The following PTPRN2 variants were observed in gnomAD, a reference collection of about 807,000 sequenced individuals.
The protein encoded by PTPRN2 is receptor-type tyrosine-protein phosphatase N2.
In PTPRN2, 74 loss-of-function variants were observed where a neutral mutation model predicts 118.8. The ratio of observed to expected loss-of-function variants is 0.62; its 90% CI spans 0.52 to 0.76. The LOEUF is 0.76. Among genes scored for constraint, PTPRN2 ranks in the 30% least tolerant of loss-of-function variants. The probability of loss-of-function intolerance (pLI) is 0.00; values close to 1 mark genes in which losing one functional copy is unlikely to be tolerated. For synonymous variants in PTPRN2, 641 were observed against 608.0 expected (o/e 1.05, Z -0.80); for missense variants, 1,481 against 1,394.4 (o/e 1.06, Z -0.99).
Position 157,953,863 on chromosome 7 carries a change from C to T in PTPRN2, c.1724-55126G>A, listed in dbSNP as rs909678894. ...GAGAAATGTAAGCAAATCCGCATTT[C>T]GAAGCAGAAATCGCTGGTTTAAATA... On this transcript the variant is annotated intron_variant, in intron 11 of 22. Transcript: ENST00000389418. This position sits in a 1 kb window ranked among gnomAD's most constrained non-coding sequence, Gnocchi z 4.6. Among the ~76,000 whole-genome samples the T allele has an allele frequency of 5.3e-5, 8 of 152,058 alleles. No homozygotes were observed. Among genetic ancestry groups the T allele is most frequent in the African/African-American group, 9.7e-5 (4 of 41,392 alleles).
chr7:158,421,609 G>A (rs1251358898), intron 2 of PTPRN2, among the ~76,000 whole-genome samples: 1 of 152,178 alleles, frequency 6.6e-6, no homozygotes, highest in Non-Finnish European at 1.5e-5. Flanking sequence ...GGACAGCTGG[G>A]TAATGTACTC....
chr7:157,655,573 G>C (rs1045554072), intron 14 of PTPRN2, among the ~76,000 whole-genome samples: 11 of 152,178 alleles, frequency 7.2e-5, no homozygotes, highest in Admixed American at 3.9e-4. Context: ...TCCCTGACCC[G>C]TAAGTGCAGC....
intron 2 of PTPRN2, among the ~76,000 whole-genome samples, chr7:158,337,221 T>C (rs1158957812): frequency 3.2e-4 from 48 of 149,344 alleles, no homozygotes; most frequent in African/African-American, 1.0e-3. Context: ...CTTGCAGACG[T>C]CACTAACACC....
In PTPRN2 at chr7:157,615,943, A is replaced by C. The variant is rs891896806; in HGVS notation, c.2344+5419T>G. On this transcript the variant is annotated intron_variant, in intron 15 of 22. Transcript: ENST00000389418. The surrounding 1 kb of genome is among the most constrained non-coding windows in gnomAD (Gnocchi z 4.3). ...GATGTGCACCTGGCAGGATGAACGT[A>C]ACTTCTGGTGGATAAAGTGGGAGGC... is the stretch of plus-strand genomic sequence containing the variant. 6.1e-4 allele frequency: 158 copies of C among 260,974 alleles called. 1 individual carries two copies. The highest frequency in any genetic ancestry group is 3.4e-3 in the African/African-American group (153 of 44,702). 16.2% of individuals were successfully genotyped at this position (260,974 alleles called of 1,614,324 possible).
intron 13 of PTPRN2, among the ~76,000 whole-genome samples, chr7:157,679,459 T>C (rs1468181564): frequency 2.0e-5 from 3 of 152,144 alleles, no homozygotes; most frequent in Non-Finnish European, 4.4e-5. Context: ...GCTTTTCCAA[T>C]AGGTAAGGCA....
intron 10 of PTPRN2, among the ~76,000 whole-genome samples, chr7:158,097,654 C>A (rs147387258): frequency 1.1e-3 from 170 of 152,316 alleles, no homozygotes; most frequent in African/African-American, 3.7e-3. Flanking sequence ...CCGCGGAAGG[C>A]GGCCTGGCAT....
At chr7:158,014,641 C>T (rs1164583189) in intron 11 of PTPRN2, among the ~76,000 whole-genome samples, 1 of 151,862 alleles carries the variant, frequency 6.6e-6, no homozygotes, top group Non-Finnish European at 1.5e-5. Flanking sequence ...TATCCATATC[C>T]ATCATCCATC....
At position 157,781,749 on chromosome 7, in the gene PTPRN2, A is replaced by G. The variant is rs112052412; in HGVS notation, c.1789-98812T>C. Among the ~76,000 whole-genome samples the G allele has an allele frequency of 7.9e-3, 1,204 of 152,278 alleles. 14 individuals are homozygous for G. The highest frequency in any genetic ancestry group is 0.028 in the African/African-American group (1,143 of 41,546). ...CATCTTTATCAAGTCATCTGACTTC[A>G]CAGTACCCAAAACGTATATTACTTC... On this transcript the variant is annotated intron_variant, in intron 12 of 22. Coordinates refer to ENST00000389418, the MANE Select transcript of PTPRN2 (RefSeq NM_002847.5).
chr7:157,781,561 T>C (rs1803682301), intron 12 of PTPRN2, among the ~76,000 whole-genome samples: 2 of 152,196 alleles, frequency 1.3e-5, no homozygotes, highest in South Asian at 4.1e-4. Flanking sequence ...CCAGAGAGCC[T>C]GGTTTTATTG....
Position 157,729,221 on chromosome 7 carries a change from T to C in PTPRN2, c.1789-46284A>G, listed in dbSNP as rs1799759874. Among the ~76,000 whole-genome samples the C allele has an allele frequency of 1.3e-5, 2 of 152,164 alleles. No individual in the cohort carries two copies. The highest frequency in any genetic ancestry group is 2.9e-5 in the Non-Finnish European group (2 of 68,018). ...TCTGCATCTGCCCATCTTTGAATCT[T>C]CATGTATTTTTAAAAAAGAATGAAT... is the stretch of plus-strand genomic sequence containing the variant. On this transcript the variant is annotated intron_variant, in intron 12 of 22. Coordinates refer to ENST00000389418, the MANE Select transcript of PTPRN2 (RefSeq NM_002847.5). The surrounding 1 kb of genome is among the most constrained non-coding windows in gnomAD (Gnocchi z 4.3).
chr7:158,376,981 C>T (rs184295222), intron 2 of PTPRN2, among the ~76,000 whole-genome samples: 1 of 123,036 alleles, frequency 8.1e-6, no homozygotes, highest in East Asian at 2.7e-4. Context: ...CACGCGGGGT[C>T]AGGGGACTCT....
At chr7:158,206,546 C>T (rs1176519728) in intron 3 of PTPRN2, among the ~76,000 whole-genome samples, 1 of 152,060 alleles carries the variant, frequency 6.6e-6, no homozygotes, top group Admixed American at 6.6e-5. Flanking sequence ...ACCCGTCACC[C>T]AGCTCCAGGA....
chr7:158,157,716 A>G (rs1358092339), intron 6 of PTPRN2, among the ~76,000 whole-genome samples: 1 of 152,084 alleles, frequency 6.6e-6, no homozygotes, highest in African/African-American at 2.4e-5. Flanking sequence ...AGTGAGACGA[A>G]CCCTGTTCCC....
At chr7:158,021,568 A>G (rs1056363406) in intron 11 of PTPRN2, among the ~76,000 whole-genome samples, 2 of 152,210 alleles carry the variant, frequency 1.3e-5, no homozygotes, top group East Asian at 3.9e-4. Context: ...AGATGGGTGC[A>G]GAAGGACAGC....
At chr7:158,323,187 G>T (rs1803181087) in intron 2 of PTPRN2, among the ~76,000 whole-genome samples, 3 of 152,238 alleles carry the variant, frequency 2.0e-5, no homozygotes, top group Admixed American at 2.0e-4. Flanking sequence ...CCCCCGACAA[G>T]AATTCTGCCT....
intron 2 of PTPRN2, among the ~76,000 whole-genome samples, chr7:158,404,181 A>G (rs1813172870): frequency 6.6e-6 from 1 of 152,238 alleles, no homozygotes; most frequent in East Asian, 1.9e-4. Flanking sequence ...CCCAAGGCTT[A>G]TAAGTGACCC....
At chr7:157,966,643 T>G (rs1801955411) in intron 11 of PTPRN2, among the ~76,000 whole-genome samples, 5 of 150,170 alleles carry the variant, frequency 3.3e-5, no homozygotes, top group African/African-American at 1.2e-4. Flanking sequence ...TTATCTTCAT[T>G]ATCACCATCA....
At chr7:157,943,748 G>A (rs1232092778) in intron 11 of PTPRN2, among the ~76,000 whole-genome samples, 1 of 151,912 alleles carries the variant, frequency 6.6e-6, no homozygotes, top group Non-Finnish European at 1.5e-5. Context: ...GGACACCGAA[G>A]CCCCCGCCTC....
At chr7:157,879,588 A>AT (rs531123610) in intron 12 of PTPRN2, among the ~76,000 whole-genome samples, 16 of 150,360 alleles carry the variant, frequency 1.1e-4, no homozygotes, top group African/African-American at 1.2e-4. Context: ...ATGAAATCAT[A>AT]TTTTTTTTTT....
Sources: allele counts gnomAD v4.1 joint callset (sites outside exome capture counted in the v4.1 genomes callset), GRCh38; gene constraint gnomAD v4.1.1; non-coding constraint Gnocchi (gnomAD v3.1); transcripts MANE v1.5; gene names NCBI Gene and HGNC (gene_info 2026-07-23, HGNC 2026-07-21).